The following ACSS3 variants were observed in gnomAD, a reference collection of about 807,000 sequenced individuals.
The protein encoded by ACSS3 is acyl-CoA synthetase short-chain family member 3, mitochondrial.
Under a neutral mutation model 84.2 loss-of-function variants are expected in ACSS3, and 64 were observed. The observed-to-expected ratio is 0.76, with a 90% CI of 0.62 to 0.94. The LOEUF (loss-of-function observed/expected upper bound fraction) is 0.94. Among genes scored for constraint, ACSS3 ranks in the 40% least tolerant of loss-of-function variants. ACSS3 has a pLI of 0.00. For missense variants in ACSS3, 815 were observed against 867.6 expected (o/e 0.94, Z 0.76); for synonymous variants, 317 against 310.1 (o/e 1.02, Z -0.23).
intron 11 of ACSS3, among the ~76,000 whole-genome samples, chr12:81,229,984 C>T (rs2033401227): frequency 2.0e-5 from 3 of 151,828 alleles, no homozygotes. Flanking sequence ...GTTGAGGTGG[C>T]CATGTGACCA....
chr12:81,107,070 C>T (rs533251937), intron 1 of ACSS3, among the ~76,000 whole-genome samples: 1 of 151,946 alleles, frequency 6.6e-6, no homozygotes, highest in Admixed American at 6.6e-5. Flanking sequence ...AGATGTCCTG[C>T]AGACTTTTGG....
intron 8 of ACSS3, 102 bp from the exon 9 acceptor site, chr12:81,199,239 C>T: frequency 3.0e-6 from 3 of 995,772 alleles, no homozygotes; most frequent in Non-Finnish European, 4.4e-6. Flanking sequence ...TGCTGTATTC[C>T]TCTGACATAA....
chr12:81,201,531 C>A (rs1426552715), intron 9 of ACSS3, among the ~76,000 whole-genome samples: 1 of 152,166 alleles, frequency 6.6e-6, no homozygotes, highest in African/African-American at 2.4e-5. Flanking sequence ...GTCACTGAAG[C>A]CTGTGACAGA....
intron 4 of ACSS3, 96 bp downstream of exon 4, chr12:81,139,361 A>G (rs1593117385): frequency 1.5e-6 from 2 of 1,364,022 alleles, no homozygotes; most frequent in East Asian, 2.3e-5. Flanking sequence ...TTTATAAGCT[A>G]TTAAGTATAC....
At chr12:81,158,748 T>C (rs1185609173) in intron 7 of ACSS3, among the ~76,000 whole-genome samples, 2 of 152,130 alleles carry the variant, frequency 1.3e-5, no homozygotes, top group Non-Finnish European at 2.9e-5. Flanking sequence ...CTGGTGTCAC[T>C]TCCTCAGGGA....
At chr12:81,118,811 A>G (rs867234722) in intron 2 of ACSS3, among the ~76,000 whole-genome samples, 13 of 152,216 alleles carry the variant, frequency 8.5e-5, no homozygotes, top group African/African-American at 2.9e-4. Context: ...GTGGGGCCAT[A>G]AAGATGAACT....
chr12:81,135,601 C>T (rs1885759445), intron 3 of ACSS3, among the ~76,000 whole-genome samples: 1 of 151,452 alleles, frequency 6.6e-6, no homozygotes, highest in African/African-American at 2.4e-5. Flanking sequence ...CCAGATACTT[C>T]ATGTTCTCAC....
chr12:81,107,556 ATAT>A (rs1883171524), intron 1 of ACSS3, among the ~76,000 whole-genome samples: 2 of 105,472 alleles, frequency 1.9e-5, no homozygotes, highest in African/African-American at 6.7e-5. Context: ...ATATATATAT[ATAT>A]AAATGTTTTT....
In ACSS3 at chr12:81,254,372, G is replaced by T. The variant is rs1301152159; in HGVS notation, c.1996-485G>T. Reference sequence around the variant, plus strand: ...TGAGAAAGCAAAATAATTGAGGCTAGCGGCAGTAGATGTTTAAAATGCTCT... The same window carrying T: ...TGAGAAAGCAAAATAATTGAGGCTATCGGCAGTAGATGTTTAAAATGCTCT... On this transcript the variant is annotated intron_variant, in intron 15 of 15. Coordinates refer to ENST00000548058, the MANE Select transcript of ACSS3 (RefSeq NM_024560.4). Among the ~76,000 whole-genome samples the T allele has an allele frequency of 3.3e-5, 5 of 152,262 alleles. No homozygotes were observed. In the East Asian group the frequency reaches 9.7e-4, roughly 29 times the overall value.
intron 1 of ACSS3, among the ~76,000 whole-genome samples, chr12:81,085,181 G>C (rs1881232683): frequency 6.6e-6 from 1 of 152,142 alleles, no homozygotes; most frequent in Non-Finnish European, 1.5e-5. Flanking sequence ...AACTTTGTGT[G>C]GTTTCTTATG....
chr12:81,098,014 G>A (rs2121390463), intron 1 of ACSS3, among the ~76,000 whole-genome samples: 1 of 152,232 alleles, frequency 6.6e-6, no homozygotes, highest in South Asian at 2.1e-4. Flanking sequence ...GTCTGTGTGT[G>A]TTGTTTGCAT....
chr12:81,167,856 C>A (rs2135801210), intron 7 of ACSS3, among the ~76,000 whole-genome samples: 1 of 152,228 alleles, frequency 6.6e-6, no homozygotes, highest in East Asian at 1.9e-4. Context: ...GAAGTCTCAC[C>A]TTCTCAGGCC....
chr12:81,249,055 G>A (rs1308801442), intron 13 of ACSS3, among the ~76,000 whole-genome samples: 1 of 151,818 alleles, frequency 6.6e-6, no homozygotes, highest in Non-Finnish European at 1.5e-5. Context: ...GTAAAAATGA[G>A]GGCCTTCTTT....
chr12:81,205,528 G>A (rs1223771712), intron 9 of ACSS3, among the ~76,000 whole-genome samples: 1 of 151,980 alleles, frequency 6.6e-6, no homozygotes, highest in African/African-American at 2.4e-5. Flanking sequence ...GATCTCTGTG[G>A]GAAATGTTAC....
chr12:81,103,332 C>T (rs911848243), intron 1 of ACSS3, among the ~76,000 whole-genome samples: 7 of 152,242 alleles, frequency 4.6e-5, no homozygotes, highest in African/African-American at 1.7e-4. Flanking sequence ...CTTTTATAAT[C>T]TGGGGAGACA....
intron 1 of ACSS3, among the ~76,000 whole-genome samples, chr12:81,105,947 C>A (rs1409262808): frequency 6.6e-6 from 1 of 152,112 alleles, no homozygotes; most frequent in East Asian, 1.9e-4. Flanking sequence ...GAAGGACAGC[C>A]ACAGAAGTGG....
rs1341187003 is a variant in ACSS3 at position 81,198,935 on chromosome 12, C to T, written c.1251-406C>T. Among the ~76,000 whole-genome samples, 2 of 152,150 alleles carry T rather than the reference C, an allele frequency of 1.3e-5. 1 individual carries two copies. The highest frequency in any genetic ancestry group is 4.1e-4 in the South Asian group (2 of 4,828). On this transcript the variant is annotated intron_variant, in intron 8 of 15. Transcript: ENST00000548058. ...AGAATATTTGCTGCCTTAGCCAACA[C>T]TTATGTATGTATTTTTTGTGTATAT... is the stretch of plus-strand genomic sequence containing the variant.
rs1593166401 is a variant in ACSS3 at position 81,179,428 on chromosome 12, G to GT, written c.1250+4489_1250+4490insT. On this transcript the variant is annotated intron_variant, in intron 8 of 15. Coordinates refer to ENST00000548058, the MANE Select transcript of ACSS3 (RefSeq NM_024560.4). ...ATGGGAGACAATATCTGCCAACTACGCGTCAGAGAAAGATCTAATATCTGG... is the reference window on the plus strand; with the variant it reads ...ATGGGAGACAATATCTGCCAACTACGTCGTCAGAGAAAGATCTAATATCTGG... 2.6e-5 allele frequency among the ~76,000 whole-genome samples: 4 copies of GT among 151,878 alleles called. No individual in the cohort carries two copies. In the East Asian group the frequency reaches 7.7e-4, roughly 29 times the overall value.
intron 8 of ACSS3, among the ~76,000 whole-genome samples, chr12:81,178,950 A>G (rs1228933950): frequency 1.3e-5 from 2 of 152,158 alleles, no homozygotes; most frequent in African/African-American, 4.8e-5. Context: ...AAACAGACAC[A>G]TAGACCAGAG....
Sources: gnomAD v4.1 joint callset for allele counts (sites outside exome capture counted in the v4.1 genomes callset) on GRCh38, gnomAD v4.1.1 for gene constraint, MANE v1.5 for transcripts, NCBI Gene and HGNC (gene_info 2026-07-23, HGNC 2026-07-21) for gene names.